The following EYA2 variants were observed in gnomAD, a reference collection of about 807,000 sequenced individuals.
The protein encoded by EYA2 is EYA transcriptional coactivator and phosphatase 2.
EYA2 carries 31 observed loss-of-function variants against 69.2 expected under a neutral mutation model. The observed-to-expected ratio is 0.45, with a 90% CI of 0.34 to 0.60. The LOEUF (loss-of-function observed/expected upper bound fraction) is 0.60, where lower values mean the gene tolerates loss of function less well. Ranked by LOEUF, EYA2 falls within the 20% of genes least tolerant of loss-of-function variation. EYA2 has a pLI of 0.02. For missense variants in EYA2, 622 were observed against 701.2 expected (o/e 0.89, Z 1.28); for synonymous variants, 257 against 279.4 (o/e 0.92, Z 0.80).
In EYA2 at chr20:47,172,641, G is replaced by T. The variant is rs567667774; in HGVS notation, c.1038-66G>T. 3.3e-6 allele frequency: 5 copies of T among 1,511,796 alleles called. No individual in the cohort carries two copies. In the South Asian group the frequency reaches 6.6e-5, roughly 20 times the overall value. 93.6% of individuals were successfully genotyped at this position (1,511,796 alleles called of 1,614,324 possible). On this transcript the variant is annotated intron_variant, in intron 11 of 15. Coordinates refer to ENST00000327619, the MANE Select transcript of EYA2 (RefSeq NM_005244.5). ...ACCCGTGGGTCCCACAGAGCCTGTG[G>T]TCTCCCAGGGAAGATGCCCTGCACC...
chr20:47,128,881 G>T (rs1313833709), intron 9 of EYA2, among the ~76,000 whole-genome samples: 1 of 152,214 alleles, frequency 6.6e-6, no homozygotes, highest in Non-Finnish European at 1.5e-5. Context: ...CCAGCATTTT[G>T]GGAGGCCGAG....
chr20:47,057,826 G>A (rs1011658292), intron 5 of EYA2, among the ~76,000 whole-genome samples: 3 of 152,230 alleles, frequency 2.0e-5, no homozygotes, highest in South Asian at 2.1e-4. Context: ...GCAGTGGCCT[G>A]TGCAACTTCC....
At chr20:46,983,395 G>A (rs924783735) in intron 1 of EYA2, among the ~76,000 whole-genome samples, 2 of 152,148 alleles carry the variant, frequency 1.3e-5, no homozygotes, top group Non-Finnish European at 2.9e-5. Context: ...AGATTGAGAT[G>A]ACTCAAGGCA....
intron 7 of EYA2, among the ~76,000 whole-genome samples, chr20:47,083,733 C>A (rs1364535597): frequency 6.6e-6 from 1 of 151,908 alleles, no homozygotes; most frequent in Non-Finnish European, 1.5e-5. Flanking sequence ...TTGATTTAGG[C>A]AAAGATTTCT....
chr20:47,186,723 A>G lies in EYA2; in HGVS notation c.1537-1330A>G, dbSNP rs550670505. ...TTGTCCCCTGAGACACCCCCATCCCATTCACTTCTACCAAAAAAGAGGCTG... is the reference window on the plus strand; with the variant it reads ...TTGTCCCCTGAGACACCCCCATCCCGTTCACTTCTACCAAAAAAGAGGCTG... On this transcript the variant is annotated intron_variant, in intron 15 of 15. Transcript: ENST00000327619. Among the ~76,000 whole-genome samples, 3 of 152,132 alleles carry G rather than the reference A, an allele frequency of 2.0e-5. No homozygotes were observed. The East Asian group carries it at 5.8e-4, about 29-fold the overall frequency.
intron 10 of EYA2, among the ~76,000 whole-genome samples, chr20:47,145,439 G>A (rs2033680569): frequency 6.6e-6 from 1 of 152,184 alleles, no homozygotes; most frequent in Non-Finnish European, 1.5e-5. Context: ...TATGGAGGTG[G>A]CCAGGATAGA....
intron 8 of EYA2, among the ~76,000 whole-genome samples, chr20:47,091,638 A>AG (rs1310100674): frequency 6.7e-6 from 1 of 150,322 alleles, no homozygotes; most frequent in African/African-American, 2.4e-5. Context: ...CCAGCTACTC[A>AG]GGGGGCTGAA....
At chr20:47,063,044 G>A (rs1167394708) in intron 5 of EYA2, among the ~76,000 whole-genome samples, 1 of 152,094 alleles carries the variant, frequency 6.6e-6, no homozygotes, top group Non-Finnish European at 1.5e-5. Context: ...GAGCAGTTTT[G>A]TTTTTTAAAT....
chr20:46,949,944 A>G (rs1472640863), intron 1 of EYA2, among the ~76,000 whole-genome samples: 2 of 152,036 alleles, frequency 1.3e-5, no homozygotes, highest in Non-Finnish European at 2.9e-5. Context: ...TATGATGCAC[A>G]AGGATAGCAT....
intron 8 of EYA2, among the ~76,000 whole-genome samples, chr20:47,092,544 A>G (rs911664098): frequency 3.9e-5 from 6 of 152,142 alleles, no homozygotes; most frequent in Admixed American, 6.5e-5. Context: ...ACACATACAT[A>G]ATATTCCCTC....
At chr20:46,965,552 G>T (rs1209742953) in intron 1 of EYA2, among the ~76,000 whole-genome samples, 1 of 152,258 alleles carries the variant, frequency 6.6e-6, no homozygotes, top group African/African-American at 2.4e-5. Context: ...CAGGGCCTGG[G>T]CCTCACGCCT....
intron 9 of EYA2, among the ~76,000 whole-genome samples, chr20:47,132,280 T>C (rs562922741): frequency 6.6e-6 from 1 of 152,058 alleles, no homozygotes; most frequent in South Asian, 2.1e-4. Flanking sequence ...GTAGCCAAAT[T>C]AAAGGAAAAT....
chr20:47,087,154 A>G (rs774881431), intron 7 of EYA2, among the ~76,000 whole-genome samples: 5 of 152,200 alleles, frequency 3.3e-5, no homozygotes, highest in Non-Finnish European at 5.9e-5. Flanking sequence ...TTGTCTTATT[A>G]TGTCCTTAGT....
In EYA2 at chr20:47,090,229, C is replaced by CTTTT. The variant is rs60732138; in HGVS notation, c.804+864_804+867dup. Among the ~76,000 whole-genome samples, 265 of 122,042 alleles carry CTTTT rather than the reference C, an allele frequency of 2.2e-3. 4 individuals are homozygous for CTTTT. Among genetic ancestry groups the CTTTT allele is most frequent in the African/African-American group, 6.6e-3 (212 of 32,128 alleles). 80.1% of individuals were successfully genotyped at this position (122,042 alleles called of 152,430 possible). On this transcript the variant is annotated intron_variant, in intron 8 of 15. Transcript: ENST00000327619. Reference sequence around the variant, plus strand: ...AACTAGTGGTCAGGGATGCTCCAATCTTTTTTTTTTTTTTTTTTTGAATTG... The same window carrying CTTTT: ...AACTAGTGGTCAGGGATGCTCCAATCTTTTTTTTTTTTTTTTTTTTTTTGAATTG...
chr20:47,117,162 G>A (rs904596423), intron 9 of EYA2, among the ~76,000 whole-genome samples: 6 of 151,954 alleles, frequency 3.9e-5, no homozygotes, highest in African/African-American at 9.7e-5. Flanking sequence ...ACAGGCGCAC[G>A]CCACCACACC....
intron 1 of EYA2, among the ~76,000 whole-genome samples, chr20:46,909,005 C>T (rs1984512142): frequency 6.7e-6 from 1 of 148,884 alleles, no homozygotes. Context: ...GAGACTTCTT[C>T]CAAGGAGCAA....
At position 46,960,906 on chromosome 20, in the gene EYA2, G is replaced by A. The variant is rs1979436143; in HGVS notation, c.-10-29095G>A. On this transcript the variant is annotated intron_variant, in intron 1 of 15. Coordinates refer to ENST00000327619, the MANE Select transcript of EYA2 (RefSeq NM_005244.5). ...CACATCAAAGAACGTAAACGAGTGG[G>A]CATTTCTGCAGCCCCCAGAAAGCAA... 2.6e-5 allele frequency among the ~76,000 whole-genome samples: 4 copies of A among 152,134 alleles called. No homozygotes were observed. In the South Asian group the frequency reaches 6.2e-4, roughly 24 times the overall value.
At chr20:47,006,295 A>G (rs1178865100) in intron 4 of EYA2, among the ~76,000 whole-genome samples, 2 of 152,216 alleles carry the variant, frequency 1.3e-5, no homozygotes, top group Non-Finnish European at 2.9e-5. Flanking sequence ...CCTCACCCAA[A>G]ACAACTGATC....
At chr20:46,943,922 TCTCTCTCCCC>T (rs1159292557) in intron 1 of EYA2, among the ~76,000 whole-genome samples, 1 of 152,150 alleles carries the variant, frequency 6.6e-6, no homozygotes, top group Non-Finnish European at 1.5e-5. Context: ...TATCTCTCCC[TCTCTCTCCCC>T]CTTTCTTTCT....
Sources: allele counts gnomAD v4.1 joint callset (sites outside exome capture counted in the v4.1 genomes callset), GRCh38; gene constraint gnomAD v4.1.1; transcripts MANE v1.5; gene names NCBI Gene and HGNC (gene_info 2026-07-23, HGNC 2026-07-21).